The following SPHKAP variants were observed in gnomAD, a reference collection of about 807,000 sequenced individuals.
SPHKAP encodes the protein A-kinase anchor protein SPHKAP.
A neutral mutation model predicts 137.5 loss-of-function variants in SPHKAP; 67 were observed. The observed-to-expected ratio is 0.49, with a 90% confidence interval of 0.40 to 0.60. The LOEUF (loss-of-function observed/expected upper bound fraction) is 0.60. Ranked by LOEUF, SPHKAP falls within the 20% of genes least tolerant of loss-of-function variation. SPHKAP has a pLI of 0.00. For synonymous variants in SPHKAP, 813 were observed against 785.3 expected (o/e 1.04, Z -0.59); for missense variants, 2,097 against 2,069.3 (o/e 1.01, Z -0.26).
chr2:228,100,142 G>T (rs543776019), intron 3 of SPHKAP, among the ~76,000 whole-genome samples: 1 of 152,094 alleles, frequency 6.6e-6, no homozygotes, highest in African/African-American at 2.4e-5. Flanking sequence ...GAGCCACTGC[G>T]CCCGGCCCTG....
intron 3 of SPHKAP, among the ~76,000 whole-genome samples, chr2:228,066,627 GC>G (rs1696836013): frequency 1.3e-5 from 2 of 152,216 alleles, no homozygotes; most frequent in Non-Finnish European, 2.9e-5. Context: ...GGGCAGTGGA[GC>G]CAGGGCCCAG....
chr2:228,129,473 G>C (rs1340831840), intron 2 of SPHKAP, among the ~76,000 whole-genome samples: 1 of 152,068 alleles, frequency 6.6e-6, no homozygotes, highest in Non-Finnish European at 1.5e-5. Flanking sequence ...TTAAGGGTGA[G>C]GGTCATTTAT....
At chr2:228,083,713 G>C (rs1171809855) in intron 3 of SPHKAP, among the ~76,000 whole-genome samples, 1 of 152,182 alleles carries the variant, frequency 6.6e-6, no homozygotes, top group African/African-American at 2.4e-5. Flanking sequence ...ACTGGATAAA[G>C]AAAATGTGGC....
chr2:228,119,591 A>G (rs1203425476), intron 2 of SPHKAP, among the ~76,000 whole-genome samples: 3 of 151,772 alleles, frequency 2.0e-5, no homozygotes, highest in African/African-American at 4.8e-5. Flanking sequence ...TGAGAATTCT[A>G]TAGTCTTTTG....
At chr2:228,177,135 G>T (rs2106436035) in intron 1 of SPHKAP, among the ~76,000 whole-genome samples, 1 of 150,280 alleles carries the variant, frequency 6.7e-6, no homozygotes, top group African/African-American at 2.4e-5. Flanking sequence ...AGATCATGGA[G>T]CAAGGGCCCA....
intron 1 of SPHKAP, among the ~76,000 whole-genome samples, chr2:228,173,911 G>A (rs1196136700): frequency 1.3e-5 from 2 of 152,174 alleles, no homozygotes; most frequent in Non-Finnish European, 2.9e-5. Flanking sequence ...GTAATATGTA[G>A]TTAAAAGGAA....
intron 3 of SPHKAP, among the ~76,000 whole-genome samples, chr2:228,059,841 T>C (rs1696577011): frequency 6.6e-6 from 1 of 152,240 alleles, no homozygotes; most frequent in Non-Finnish European, 1.5e-5. Flanking sequence ...CTTAGTGCCA[T>C]CTGTGTTGAT....
intron 2 of SPHKAP, among the ~76,000 whole-genome samples, chr2:228,127,027 G>T (rs1280078234): frequency 6.6e-6 from 1 of 152,142 alleles, no homozygotes; most frequent in African/African-American, 2.4e-5. Context: ...CTAATAAAAA[G>T]ATTTGATGAG....
intron 3 of SPHKAP, among the ~76,000 whole-genome samples, chr2:228,033,220 G>A (rs1020237619): frequency 1.3e-5 from 2 of 152,034 alleles, no homozygotes; most frequent in Non-Finnish European, 2.9e-5. Context: ...AAAGGCAGGG[G>A]TTGCAATCCT....
intron 8 of SPHKAP, chr2:227,993,927 C>G: frequency 1.9e-5 from 9 of 483,020 alleles, no homozygotes; most frequent in Non-Finnish European, 2.4e-5. Flanking sequence ...AACAATCAGT[C>G]TGCCTCTTTT....
At chr2:228,038,228 G>A (rs1308164978) in intron 3 of SPHKAP, among the ~76,000 whole-genome samples, 1 of 152,198 alleles carries the variant, frequency 6.6e-6, no homozygotes, top group African/African-American at 2.4e-5. Flanking sequence ...GCTGGAGAAG[G>A]GAGTTGGGAG....
chr2:228,003,453 G>A (rs1294666812), intron 7 of SPHKAP, among the ~76,000 whole-genome samples: 2 of 152,196 alleles, frequency 1.3e-5, no homozygotes, highest in Non-Finnish European at 2.9e-5. Flanking sequence ...TCAGCTTAAG[G>A]AGATTTTGAG....
At chr2:227,996,421 C>T (rs1377930277) in intron 7 of SPHKAP, among the ~76,000 whole-genome samples, 1 of 152,144 alleles carries the variant, frequency 6.6e-6, no homozygotes, top group Non-Finnish European at 1.5e-5. Flanking sequence ...GAATTTCTGT[C>T]TCTCTGGTCC....
chr2:228,002,056 A>G (rs555191956), intron 7 of SPHKAP, among the ~76,000 whole-genome samples: 2 of 152,312 alleles, frequency 1.3e-5, no homozygotes, highest in East Asian at 3.9e-4. Flanking sequence ...TTATAGCAGC[A>G]TGATTTATAA....
chr2:228,073,517 G>GA (rs1447928969), intron 3 of SPHKAP, among the ~76,000 whole-genome samples: 1 of 152,126 alleles, frequency 6.6e-6, no homozygotes, highest in Admixed American at 6.5e-5. Flanking sequence ...GGGTAGTCTT[G>GA]AAAAAAATTG....
chr2:228,172,881 A>G (rs1700626414), intron 1 of SPHKAP: 1 of 199,852 alleles, frequency 5.0e-6, no homozygotes, highest in South Asian at 1.8e-4. Context: ...AGAGACACAT[A>G]TCCCTTCTGT....
At chr2:228,046,918 G>A (rs1001430975) in intron 3 of SPHKAP, among the ~76,000 whole-genome samples, 4 of 152,122 alleles carry the variant, frequency 2.6e-5, no homozygotes, top group African/African-American at 9.7e-5. Flanking sequence ...ACCTCATTAT[G>A]ATTCCACATG....
At chr2:228,077,840 C>A (rs141319152) in intron 3 of SPHKAP, among the ~76,000 whole-genome samples, 9,650 of 152,164 alleles carry the variant, frequency 0.063, 451 homozygotes, top group Middle Eastern at 0.2. Flanking sequence ...TTGGCTGTGT[C>A]CCCACCCAAA....
rs760698525 is a variant in SPHKAP, at chr2:228,165,217, G to A, written c.32+16350C>T. ...CACTACAGGGGTCAATGAGTGACTC[G>A]GTAACTCTGTCAGACTAGACATGTA... On this transcript the variant is annotated intron_variant, in intron 1 of 11. Transcript: ENST00000392056. Among the ~76,000 whole-genome samples, 8 of 151,594 alleles carry A rather than the reference G, an allele frequency of 5.3e-5. No homozygotes were observed. In the East Asian group the frequency reaches 5.8e-4, roughly 11 times the overall value.
Sources: allele counts gnomAD v4.1 joint callset (sites outside exome capture counted in the v4.1 genomes callset), GRCh38; gene constraint gnomAD v4.1.1; transcripts MANE v1.5; gene names NCBI Gene and HGNC (gene_info 2026-07-23, HGNC 2026-07-21).